Variants in ZDBF2 observed in about 807,000 individuals in gnomAD.
The protein encoded by ZDBF2 is zinc finger DBF-type containing 2.
A neutral mutation model predicts 9.4 loss-of-function variants in ZDBF2; 6 were observed. That is an observed-to-expected ratio of 0.64 (90% confidence interval 0.35 to 1.27). ZDBF2 has a LOEUF of 1.27. Ranked by LOEUF, ZDBF2 falls within the 50% of genes most tolerant of loss-of-function variation. The pLI, the probability that ZDBF2 is intolerant of heterozygous loss-of-function variation, is 0.03. For missense variants in ZDBF2, 2,697 were observed against 2,766.8 expected (o/e 0.97, Z 0.57); for synonymous variants, 905 against 946.3 (o/e 0.96, Z 0.80).
chr2:206,307,674 C>G lies in ZDBF2; in HGVS notation c.3146C>G (p.Pro1049Arg), dbSNP rs770321318. Residue 1049 changes from proline (P) to arginine (R), a missense_variant, in exon 5 of 5, where the codon CCT (proline) becomes CGT (arginine). Pro to Arg is a moderately radical substitution (Grantham distance 103). This residue lies in a region of ZDBF2 where 1,783 missense variants were observed against 1,776.5 expected (regional missense o/e 1.00). Coordinates refer to ENST00000374423, the MANE Select transcript of ZDBF2 (RefSeq NM_020923.3). ...ATAATTTTGGATTCTAATGTTCCAC[C>G]TCAGTCAATGACTGACCAACCTCAA... ...SEIILDSNVP[P>R]QSMTDQPQLA... 2 of 1,613,036 alleles carry G rather than the reference C, an allele frequency of 1.2e-6. No homozygotes were observed. Among genetic ancestry groups the G allele is most frequent in the Non-Finnish European group, 1.7e-6 (2 of 1,179,606 alleles).
At chr2:206,300,624 TC>T (rs1692452086) in intron 4 of ZDBF2, among the ~76,000 whole-genome samples, 1 of 152,170 alleles carries the variant, frequency 6.6e-6, no homozygotes, top group South Asian at 2.1e-4. Context: ...GCCAAGTTAC[TC>T]CACTGTGAAG....
At chr2:206,277,350 G>T (rs1283672438) in intron 1 of ZDBF2, among the ~76,000 whole-genome samples, 1 of 150,680 alleles carries the variant, frequency 6.6e-6, no homozygotes, top group African/African-American at 2.4e-5. Flanking sequence ...TGTTTTATTT[G>T]TATTTTAAGA....
chr2:206,282,917 T>C (rs1175916869), intron 3 of ZDBF2, among the ~76,000 whole-genome samples: 1 of 152,242 alleles, frequency 6.6e-6, no homozygotes, highest in Non-Finnish European at 1.5e-5. Flanking sequence ...ATTTCCTGTC[T>C]GTATAGATTT....
rs757416110 is a variant in ZDBF2, at chr2:206,309,535, G to C, written c.5007G>C (p.Leu1669Phe). The C allele has an allele frequency of 1.2e-6, 2 of 1,613,922 alleles. No homozygotes were observed. The highest frequency in any genetic ancestry group is 3.3e-5 in the Admixed American group (2 of 60,024). The part of the protein sequence containing the change: ...GYNGSKGKFN[L>F]EDTSHRTTHR... ...ATGGTTCTAAAGGAAAATTTAATTTGGAAGACACTTCTCATCGAACGACTC... is the reference window on the plus strand; with the variant it reads ...ATGGTTCTAAAGGAAAATTTAATTTCGAAGACACTTCTCATCGAACGACTC... Residue 1669 changes from leucine (L) to phenylalanine (F), a missense_variant, in exon 5 of 5, where the codon TTG (leucine) becomes TTC (phenylalanine). Around this residue, in one of 3 missense-constraint regions of ZDBF2, gnomAD observed 1,783 missense variants for 1,776.5 expected, o/e 1.00. Transcript: ENST00000374423.
chr2:206,277,663 G>A (rs937978035), intron 1 of ZDBF2, among the ~76,000 whole-genome samples: 1 of 150,006 alleles, frequency 6.7e-6, no homozygotes, highest in Middle Eastern at 3.2e-3. Flanking sequence ...GAACAAAAAT[G>A]GAAACTCGGG....
Position 206,313,152 on chromosome 2 carries a change from T to C in ZDBF2, c.*1559T>C, listed in dbSNP as rs1474484602. ...CTAAGGTCAATGTTGAACCATATCTTGATTTCAGAATTTAAAATGTGTTAC... is the reference window on the plus strand; with the variant it reads ...CTAAGGTCAATGTTGAACCATATCTCGATTTCAGAATTTAAAATGTGTTAC... On this transcript the variant is annotated 3_prime_UTR_variant, in exon 5 of 5. Coordinates refer to ENST00000374423, the MANE Select transcript of ZDBF2 (RefSeq NM_020923.3). 6.6e-6 allele frequency: 1 copy of C among 152,236 alleles called. No individual in the cohort carries two copies. The highest frequency in any genetic ancestry group is 1.9e-4 in the East Asian group (1 of 5,208). The allele number at this position is 152,236 out of a possible 1,614,324, so 9.4% of individuals were successfully genotyped here.
intron 3 of ZDBF2, among the ~76,000 whole-genome samples, chr2:206,289,258 A>G (rs552742117): frequency 6.6e-6 from 1 of 152,074 alleles, no homozygotes; most frequent in East Asian, 1.9e-4. Flanking sequence ...CCTGGCGGCC[A>G]TTTCTCTGGG....
chr2:206,305,631 G>T lies in ZDBF2; in HGVS notation c.1103G>T (p.Cys368Phe). ...CSVSSEMKFDCISLQSASDQP... is the reference protein window; with the variant it reads ...CSVSSEMKFDFISLQSASDQP... Reference sequence around the variant, plus strand: ...GTGAGTTCTGAAATGAAGTTTGATTGTATCTCTCTTCAGTCAGCATCTGAT... The same window carrying T: ...GTGAGTTCTGAAATGAAGTTTGATTTTATCTCTCTTCAGTCAGCATCTGAT... The change falls in exon 5 of 5, where the codon TGT (cysteine) becomes TTT (phenylalanine). Residue 368 changes from cysteine to phenylalanine, a missense_variant. This residue lies in a region of ZDBF2 where 910 missense variants were observed against 973.6 expected (regional missense o/e 0.93). Coordinates refer to ENST00000374423, the MANE Select transcript of ZDBF2 (RefSeq NM_020923.3). 1.9e-6 allele frequency: 3 copies of T among 1,613,734 alleles called. No individual in the cohort carries two copies. The highest frequency in any genetic ancestry group is 1.1e-5 in the South Asian group (1 of 91,072).
At chr2:206,302,924 TAAAC>T (rs796693051) in intron 4 of ZDBF2, among the ~76,000 whole-genome samples, 34 of 152,246 alleles carry the variant, frequency 2.2e-4, no homozygotes, top group African/African-American at 7.5e-4. Context: ...GCTATTTTTA[TAAAC>T]AAACAGTTTT....
chr2:206,303,849 A>C (rs1324722481), intron 4 of ZDBF2, among the ~76,000 whole-genome samples: 1 of 152,180 alleles, frequency 6.6e-6, no homozygotes, highest in Non-Finnish European at 1.5e-5. Flanking sequence ...AACAATGTTT[A>C]TAGTAATTGG....
intron 3 of ZDBF2, among the ~76,000 whole-genome samples, chr2:206,291,288 G>A (rs1000891771): frequency 4.6e-5 from 7 of 152,130 alleles, no homozygotes; most frequent in African/African-American, 1.4e-4. Flanking sequence ...AAAGGAGCAC[G>A]CAACCTAGAT....
At chr2:206,292,929 C>A (rs779381131) in intron 3 of ZDBF2, among the ~76,000 whole-genome samples, 13 of 151,792 alleles carry the variant, frequency 8.6e-5, no homozygotes, top group Non-Finnish European at 1.6e-4. Context: ...TAATTTCAAT[C>A]AAAATCTCAG....
chr2:206,288,548 C>G (rs913030062), intron 3 of ZDBF2, among the ~76,000 whole-genome samples: 1 of 152,040 alleles, frequency 6.6e-6, no homozygotes, highest in Admixed American at 6.5e-5. Context: ...GCACTGTGTT[C>G]CGGTTGCAGG....
chr2:206,310,969 G>A lies in ZDBF2; in HGVS notation c.6441G>A (p.Gln2147=). ...ARELPKKRNF[Q]LTFLNHDVVK... Reference sequence around the variant, plus strand: ...AGCTTCCAAAGAAAAGAAATTTCCAGCTAACATTTTTAAATCATGATGTTG... The same window carrying A: ...AGCTTCCAAAGAAAAGAAATTTCCAACTAACATTTTTAAATCATGATGTTG... Residue 2147 remains glutamine, a synonymous_variant, in exon 5 of 5, where the codon CAG becomes CAA. Coordinates refer to ENST00000374423, the MANE Select transcript of ZDBF2 (RefSeq NM_020923.3). The A allele has an allele frequency of 6.2e-7, 1 of 1,613,612 alleles. No individual in the cohort carries two copies. Among genetic ancestry groups the A allele is most frequent in the Non-Finnish European group, 8.5e-7 (1 of 1,179,826 alleles).
intron 1 of ZDBF2, among the ~76,000 whole-genome samples, chr2:206,276,062 G>GT (rs1036870785): frequency 1.3e-5 from 2 of 152,004 alleles, no homozygotes; most frequent in Admixed American, 6.6e-5. Context: ...TTCAAACTGA[G>GT]TTTTTTCAGC....
At position 206,309,801 on chromosome 2, in the gene ZDBF2, C is replaced by G. The variant is rs750172906; in HGVS notation, c.5273C>G (p.Ser1758Cys). The G allele has an allele frequency of 5.6e-6, 9 of 1,613,920 alleles. No individual in the cohort carries two copies. The highest frequency in any genetic ancestry group is 3.3e-5 in the South Asian group (3 of 91,054). Residue 1758 changes from serine (S) to cysteine (C), a missense_variant, in exon 5 of 5, where the codon TCT becomes TGT. Around this residue, in one of 3 missense-constraint regions of ZDBF2, gnomAD observed 1,783 missense variants for 1,776.5 expected, o/e 1.00. Coordinates refer to ENST00000374423, the MANE Select transcript of ZDBF2 (RefSeq NM_020923.3). ...TTTCAGTGTGCTCCCCCTCTTCCAT[C>G]TGATACTGATCAGCCTCAAGAAACT... ...MNFQCAPPLP[S>C]DTDQPQETVK...
chr2:206,292,718 A>G (rs1252218758), intron 3 of ZDBF2, among the ~76,000 whole-genome samples: 1 of 152,246 alleles, frequency 6.6e-6, no homozygotes, highest in East Asian at 1.9e-4. Flanking sequence ...ATTTTTATAT[A>G]CAGATACCAT....
At position 206,309,555 on chromosome 2, in the gene ZDBF2, C is replaced by T. The variant is rs377727867; in HGVS notation, c.5027C>T (p.Thr1676Met). The change falls in exon 5 of 5, where the codon ACG (threonine) becomes ATG (methionine). Residue 1676 changes from threonine to methionine, a missense_variant. This residue lies in a region of ZDBF2 where 1,783 missense variants were observed against 1,776.5 expected (regional missense o/e 1.00). Coordinates refer to ENST00000374423, the MANE Select transcript of ZDBF2 (RefSeq NM_020923.3). ...AATTTGGAAGACACTTCTCATCGAA[C>T]GACTCACCGACTGCAGAAAGCTCAC... ...KFNLEDTSHRTTHRLQKAHKE... is the reference protein window; with the variant it reads ...KFNLEDTSHRMTHRLQKAHKE... 9.3e-6 allele frequency: 15 copies of T among 1,613,832 alleles called. No homozygotes were observed. Among genetic ancestry groups the T allele is most frequent in the Admixed American group, 5.0e-5 (3 of 60,006 alleles).
intron 4 of ZDBF2, among the ~76,000 whole-genome samples, chr2:206,304,150 G>A (rs1379925365): frequency 6.6e-6 from 1 of 152,116 alleles, no homozygotes; most frequent in Non-Finnish European, 1.5e-5. Context: ...CTACATAGAG[G>A]TTAACCAGTA....
Sources: allele counts gnomAD v4.1 joint callset (sites outside exome capture counted in the v4.1 genomes callset), GRCh38; gene constraint gnomAD v4.1.1; regional missense constraint gnomAD v4.1.1; transcripts MANE v1.5; gene names NCBI Gene and HGNC (gene_info 2026-07-23, HGNC 2026-07-21).